Variants in KCNN2 observed in about 807,000 individuals in gnomAD.
The protein encoded by KCNN2 is small conductance calcium-activated potassium channel protein 2.
KCNN2 carries 24 observed loss-of-function variants against 55.5 expected under a neutral mutation model. The ratio of observed to expected loss-of-function variants is 0.43; its 90% CI spans 0.31 to 0.61. The LOEUF (loss-of-function observed/expected upper bound fraction) is 0.61, where lower values mean the gene tolerates loss of function less well. KCNN2 is among the 20% of genes least tolerant of loss of function. KCNN2 has a pLI of 0.08. For synonymous variants in KCNN2, 431 were observed against 336.1 expected (o/e 1.28, Z -3.09); for missense variants, 754 against 853.6 (o/e 0.88, Z 1.45).
At chr5:114,305,199 G>C (rs2150023907) in intron 2 of KCNN2, among the ~76,000 whole-genome samples, 1 of 152,310 alleles carries the variant, frequency 6.6e-6, no homozygotes, top group East Asian at 1.9e-4. Flanking sequence ...AGTCTCCTCA[G>C]CAAGGCTGGG....
intron 1 of KCNN2, among the ~76,000 whole-genome samples, chr5:114,137,535 A>C (rs1752198577): frequency 6.6e-6 from 1 of 151,790 alleles, no homozygotes; most frequent in South Asian, 2.1e-4. Flanking sequence ...GCCTAAAAGT[A>C]AATTAAATAA....
intron 3 of KCNN2, among the ~76,000 whole-genome samples, chr5:114,427,269 A>G (rs1210027937): frequency 2.6e-5 from 4 of 152,202 alleles, no homozygotes; most frequent in Admixed American, 1.3e-4. Flanking sequence ...ATATTTTCCA[A>G]TTAACAATAA....
chr5:114,358,361 G>A (rs1757337135), upstream of KCNN2, among the ~76,000 whole-genome samples: 1 of 152,130 alleles, frequency 6.6e-6, no homozygotes, highest in East Asian at 1.9e-4. Flanking sequence ...CTAAGAAAAT[G>A]TGTTTGTGTG....
intron 3 of KCNN2, among the ~76,000 whole-genome samples, chr5:114,432,116 C>G (rs548782242): frequency 2.6e-5 from 4 of 152,188 alleles, no homozygotes; most frequent in African/African-American, 7.2e-5. Context: ...AATTCAACTA[C>G]GTTGTTACTG....
intron 2 of KCNN2, among the ~76,000 whole-genome samples, chr5:114,375,180 G>A (rs910019698): frequency 1.3e-5 from 2 of 152,036 alleles, no homozygotes; most frequent in African/African-American, 2.4e-5. Context: ...TTACTGTGTG[G>A]CTAAGGGAAA....
At chr5:114,463,919 G>GTAT (rs560465983) in intron 4 of KCNN2, among the ~76,000 whole-genome samples, 75 of 152,266 alleles carry the variant, frequency 4.9e-4, no homozygotes, top group Non-Finnish European at 9.1e-4. Flanking sequence ...AGGAAATGGT[G>GTAT]TATTTGAAGG....
At chr5:114,204,013 T>C (rs1157009907) in intron 1 of KCNN2, among the ~76,000 whole-genome samples, 2 of 152,196 alleles carry the variant, frequency 1.3e-5, no homozygotes, top group Non-Finnish European at 2.9e-5. Flanking sequence ...CATATTACTC[T>C]AGTGCCTACC....
rs534178911 is a variant in KCNN2, at chr5:114,305,556, C to G, written c.-184-55389C>G. On this transcript the variant is annotated intron_variant, in intron 2 of 10. Transcript: ENST00000512097. ...AGAGCCTGAGGATCTGTATATACAT[C>G]CAGAGGGCCTCAGCCAGATGGTCTC... 1.8e-4 allele frequency among the ~76,000 whole-genome samples: 27 copies of G among 152,252 alleles called. No homozygotes were observed. In the South Asian group the frequency reaches 5.6e-3, roughly 32 times the overall value.
intron 2 of KCNN2, among the ~76,000 whole-genome samples, chr5:114,302,827 T>C (rs2150023023): frequency 6.6e-6 from 1 of 152,298 alleles, no homozygotes; most frequent in South Asian, 2.1e-4. Context: ...GACGGCTGAA[T>C]AAAGTACCCA....
At chr5:114,242,719 T>C (rs1437227632) in intron 2 of KCNN2, among the ~76,000 whole-genome samples, 1 of 152,080 alleles carries the variant, frequency 6.6e-6, no homozygotes, top group Non-Finnish European at 1.5e-5. Context: ...TTTGTGAACA[T>C]AGAGAAAGGA....
chr5:114,079,823 A>ATG (rs144581575), intron 1 of KCNN2, among the ~76,000 whole-genome samples: 11,325 of 147,200 alleles, frequency 0.077, 1,157 homozygotes, highest in African/African-American at 0.24. Context: ...GATACTTAAT[A>ATG]TGTGTGTGTG....
At chr5:114,495,823 A>C in intron 7 of KCNN2, 72 bp from the exon 8 acceptor site, 1 of 1,426,606 alleles carries the variant, frequency 7.0e-7, no homozygotes, top group South Asian at 1.3e-5. Context: ...GACCAGAGCT[A>C]AACCTCTGAG....
chr5:114,097,993 A>G (rs889431527), intron 1 of KCNN2, among the ~76,000 whole-genome samples: 1 of 152,172 alleles, frequency 6.6e-6, no homozygotes, highest in East Asian at 1.9e-4. Context: ...TGAATTTTGC[A>G]TGGCCGAAAT....
At chr5:114,168,083 T>C (rs1411219387) in intron 1 of KCNN2, among the ~76,000 whole-genome samples, 1 of 152,042 alleles carries the variant, frequency 6.6e-6, no homozygotes, top group African/African-American at 2.4e-5. Context: ...GATGGGCTTT[T>C]GTGTTGTTTC....
At chr5:114,440,173 C>A (rs2416371) in intron 3 of KCNN2, among the ~76,000 whole-genome samples, 2 of 151,762 alleles carry the variant, frequency 1.3e-5, no homozygotes, top group African/African-American at 4.8e-5. Context: ...GACACATGAA[C>A]GTAAAAGGAG....
chr5:114,423,763 A>G (rs1198648140), intron 3 of KCNN2, among the ~76,000 whole-genome samples: 1 of 152,220 alleles, frequency 6.6e-6, no homozygotes, highest in Non-Finnish European at 1.5e-5. Context: ...GGACAAGCAA[A>G]CAGGTCATTA....
intron 4 of KCNN2, among the ~76,000 whole-genome samples, chr5:114,463,905 G>A (rs1761322093): frequency 6.6e-6 from 1 of 152,150 alleles, no homozygotes; most frequent in African/African-American, 2.4e-5. Flanking sequence ...AGCATTCCAG[G>A]AAGAGGAAAT....
intron 5 of KCNN2, among the ~76,000 whole-genome samples, chr5:114,477,114 A>C (rs1762004593): frequency 1.1e-5 from 1 of 92,898 alleles, no homozygotes; most frequent in Non-Finnish European, 2.8e-5. Flanking sequence ...TTAGAGAAAA[A>C]TACAACTATT....
intron 3 of KCNN2, among the ~76,000 whole-genome samples, chr5:114,461,652 A>G (rs751571832): frequency 1.3e-5 from 2 of 152,120 alleles, no homozygotes; most frequent in Non-Finnish European, 2.9e-5. Context: ...GATATTGTGG[A>G]GAAAAGCTTA....
Sources: gnomAD v4.1 joint callset for allele counts (sites outside exome capture counted in the v4.1 genomes callset) on GRCh38, gnomAD v4.1.1 for gene constraint, MANE v1.5 for transcripts, NCBI Gene and HGNC (gene_info 2026-07-23, HGNC 2026-07-21) for gene names.